Variants in EPAS1 observed in about 807,000 individuals in gnomAD.
EPAS1 encodes the protein endothelial PAS domain protein 1.
Under a neutral mutation model 87.9 loss-of-function variants are expected in EPAS1, and 23 were observed. The ratio of observed to expected loss-of-function variants is 0.26; its 90% confidence interval spans 0.19 to 0.37. The LOEUF is 0.37. Among genes scored for constraint, EPAS1 ranks in the 10% least tolerant of loss-of-function variants. The pLI, the probability that EPAS1 is intolerant of heterozygous loss-of-function variation, is 1.00. For missense variants in EPAS1, 1,138 were observed against 1,120.7 expected, an observed-to-expected ratio of 1.02 and a Z score of -0.22; for synonymous variants, 508 against 444.3, an observed-to-expected ratio of 1.14 and a Z score of -1.80.
chr2:46,329,259 A>G lies in EPAS1; in HGVS notation c.27-17614A>G, dbSNP rs1683624114. 1.3e-5 allele frequency among the ~76,000 whole-genome samples: 2 copies of G among 152,188 alleles called. 1 individual carries two copies. The highest frequency in any genetic ancestry group is 4.8e-5 in the African/African-American group (2 of 41,436). On this transcript the variant is annotated intron_variant, in intron 1 of 15. Coordinates refer to ENST00000263734, the MANE Select transcript of EPAS1 (RefSeq NM_001430.5). ...GGGATTGTCATCTGGGTGCGAGGCA[A>G]CCACAGGGTAGGAGGCACCATTGCT...
In EPAS1 at chr2:46,375,851, G is replaced by A; in HGVS notation, c.1034+14G>A. ...CTACGTCCTGAGGTAAGCATGTGAG[G>A]GCTGGCGGGCCTTGGTGCAGGGTAT... On this transcript the variant is annotated intron_variant, in intron 8 of 15. Transcript: ENST00000263734. This position sits in a 1 kb window ranked among gnomAD's most constrained non-coding sequence, Gnocchi z 4.1. 1 of 1,614,152 alleles carries A rather than the reference G, an allele frequency of 6.2e-7. No homozygotes were observed.
intron 1 of EPAS1, among the ~76,000 whole-genome samples, chr2:46,303,036 G>A (rs539190139): frequency 3.3e-5 from 5 of 152,180 alleles, no homozygotes; most frequent in Non-Finnish European, 7.3e-5. Context: ...TCGTGCCACT[G>A]CACTCCAGCG....
chr2:46,346,839 C>G lies in EPAS1; in HGVS notation c.27-34C>G, dbSNP rs2103616065. On this transcript the variant is annotated intron_variant, in intron 1 of 15. Transcript: ENST00000263734. The surrounding 1 kb of genome is among the most constrained non-coding windows in gnomAD (Gnocchi z 4.0). ...CAGAGGTATGATAGGCTGACAGTAACCTTTCCGGGACTAACCCCTTCTTCT... is the reference window on the plus strand; with the variant it reads ...CAGAGGTATGATAGGCTGACAGTAAGCTTTCCGGGACTAACCCCTTCTTCT... 6.2e-7 allele frequency: 1 copy of G among 1,612,680 alleles called. No homozygotes were observed. Among genetic ancestry groups the G allele is most frequent in the Non-Finnish European group, 8.5e-7 (1 of 1,179,126 alleles).
intron 1 of EPAS1, among the ~76,000 whole-genome samples, chr2:46,303,267 C>T (rs1683047131): frequency 6.6e-6 from 1 of 152,068 alleles, no homozygotes; most frequent in Non-Finnish European, 1.5e-5. Flanking sequence ...AAATTTGTTC[C>T]TAGTGTCCCC....
intron 6 of EPAS1, among the ~76,000 whole-genome samples, chr2:46,364,810 G>A (rs1179443218): frequency 1.3e-5 from 2 of 152,190 alleles, no homozygotes; most frequent in African/African-American, 4.8e-5. Flanking sequence ...TCTGTTTCCC[G>A]AAATACTGAG....
At chr2:46,367,295 G>C (rs1558604918) in intron 6 of EPAS1, among the ~76,000 whole-genome samples, 1 of 152,338 alleles carries the variant, frequency 6.6e-6, no homozygotes, top group East Asian at 1.9e-4. Flanking sequence ...AGAGTAGAAA[G>C]ACATCTTTCC....
chr2:46,356,449 G>A (rs1260613253), intron 3 of EPAS1, 147 bp downstream of exon 3: 7 of 1,019,956 alleles, frequency 6.9e-6, no homozygotes, highest in Non-Finnish European at 1.0e-5. Context: ...CACGCCTCAG[G>A]CCACGCTCCC....
At chr2:46,313,438 G>GTTATTTATTTAT (rs34298350) in intron 1 of EPAS1, among the ~76,000 whole-genome samples, 3,389 of 148,746 alleles carry the variant, frequency 0.023, 61 homozygotes, top group Non-Finnish European at 0.032. Context: ...CCCACATGTT[G>GTTATTTATTTAT]TTATTTATTT....
chr2:46,326,677 T>G (rs1415557556), intron 1 of EPAS1, among the ~76,000 whole-genome samples: 1 of 152,244 alleles, frequency 6.6e-6, no homozygotes, highest in Non-Finnish European at 1.5e-5. Flanking sequence ...GGAAGGGCAC[T>G]GGGCTGAAGA....
chr2:46,336,450 G>A (rs1390618875), intron 1 of EPAS1, among the ~76,000 whole-genome samples: 1 of 152,134 alleles, frequency 6.6e-6, no homozygotes, highest in Non-Finnish European at 1.5e-5. Context: ...GGAAGAAGTA[G>A]GGCTTGGGCT....
At chr2:46,363,041 G>C (rs1189996776) in intron 6 of EPAS1, among the ~76,000 whole-genome samples, 1 of 151,638 alleles carries the variant, frequency 6.6e-6, no homozygotes, top group South Asian at 2.1e-4. Context: ...GGTTCAAGAA[G>C]AAGATTGCAC....
chr2:46,329,067 A>C (rs1430811069), intron 1 of EPAS1, among the ~76,000 whole-genome samples: 1 of 152,272 alleles, frequency 6.6e-6, no homozygotes, highest in Non-Finnish European at 1.5e-5. Context: ...TGCAGCAAAG[A>C]AAAAGTCTTA....
chr2:46,347,514 A>G lies in EPAS1; in HGVS notation c.217+451A>G, dbSNP rs1224980759. 3.9e-6 allele frequency: 1 copy of G among 256,560 alleles called. No individual in the cohort carries two copies. 15.9% of individuals were successfully genotyped at this position (256,560 alleles called of 1,614,324 possible). A position where few individuals can be genotyped will look rare whatever the true frequency, so the allele number is the denominator to read the frequency against. On this transcript the variant is annotated intron_variant, in intron 2 of 15. Coordinates refer to ENST00000263734, the MANE Select transcript of EPAS1 (RefSeq NM_001430.5). This position sits in a 1 kb window ranked among gnomAD's most constrained non-coding sequence, Gnocchi z 4.2. ...TCCCTCTGAGAAGCCAGTTAGGCCA[A>G]GTAAATCATTTAGTCTCTCTGAACA...
chr2:46,305,374 C>A (rs751391054), intron 1 of EPAS1, among the ~76,000 whole-genome samples: 1 of 152,126 alleles, frequency 6.6e-6, no homozygotes, highest in Non-Finnish European at 1.5e-5. Flanking sequence ...TTTGCAGGGG[C>A]CACTTGTACG....
chr2:46,310,116 G>A (rs1453207654), intron 1 of EPAS1, among the ~76,000 whole-genome samples: 1 of 152,222 alleles, frequency 6.6e-6, no homozygotes, highest in African/African-American at 2.4e-5. Flanking sequence ...CCATGTCTGA[G>A]TCTCCTAGTG....
chr2:46,323,485 T>C (rs1683493824), intron 1 of EPAS1, among the ~76,000 whole-genome samples: 4 of 152,240 alleles, frequency 2.6e-5, no homozygotes, highest in African/African-American at 9.6e-5. Flanking sequence ...GGGCAGTAGA[T>C]GCCCAATAAA....
intron 1 of EPAS1, among the ~76,000 whole-genome samples, chr2:46,329,798 C>T (rs1683639228): frequency 6.6e-6 from 1 of 152,150 alleles, no homozygotes; most frequent in South Asian, 2.1e-4. Flanking sequence ...CTCTGGGTGA[C>T]AGAGCAAGAC....
At chr2:46,314,755 C>G (rs1245774865) in intron 1 of EPAS1, among the ~76,000 whole-genome samples, 2 of 152,186 alleles carry the variant, frequency 1.3e-5, no homozygotes, top group African/African-American at 4.8e-5. Flanking sequence ...AAGGAACTCC[C>G]CATTCTCCAA....
At chr2:46,358,567 C>T (rs964544561) in intron 4 of EPAS1, among the ~76,000 whole-genome samples, 1 of 152,186 alleles carries the variant, frequency 6.6e-6, no homozygotes, top group Non-Finnish European at 1.5e-5. Flanking sequence ...AAGCAAGTAC[C>T]CTACTTCTCT....
Sources: gnomAD v4.1 joint callset for allele counts (sites outside exome capture counted in the v4.1 genomes callset) on GRCh38, gnomAD v4.1.1 for gene constraint, Gnocchi (gnomAD v3.1) non-coding constraint, MANE v1.5 for transcripts, NCBI Gene and HGNC (gene_info 2026-07-23, HGNC 2026-07-21) for gene names.